ALMS1: variants seen among roughly 807,000 people sequenced by gnomAD.
ALMS1 encodes the protein ALMS1 centrosome and basal body associated protein, also known as centrosome-associated protein ALMS1.
Under a neutral mutation model 352.2 loss-of-function variants are expected in ALMS1, and 271 were observed. The observed-to-expected ratio is 0.77, with a 90% CI of 0.70 to 0.85. ALMS1 has a LOEUF of 0.85. Among genes scored for constraint, ALMS1 ranks in the 40% least tolerant of loss-of-function variants. The probability of loss-of-function intolerance (pLI) is 0.00; values close to 1 mark genes in which losing one functional copy is unlikely to be tolerated. For synonymous variants in ALMS1, 1,865 were observed against 1,761.2 expected (o/e 1.06, Z -1.48); for missense variants, 5,445 against 4,870.7 (o/e 1.12, Z -3.51).
In ALMS1 at chr2:73,452,760, C is replaced by T; in HGVS notation, c.6233C>T (p.Pro2078Leu). ...SKGILKISAVPELTDVNTGKP... is the reference protein window; with the variant it reads ...SKGILKISAVLELTDVNTGKP... ...GGTATTCTAAAGATTTCAGCTGTCC[C>T]TGAACTAACTGATGTGAATACTGGA... Residue 2078 changes from proline (P) to leucine (L), a missense_variant, in exon 8 of 23, where the codon CCT (proline) becomes CTT (leucine). Coordinates refer to ENST00000613296, the MANE Select transcript of ALMS1 (RefSeq NM_001378454.1). 6.2e-7 allele frequency: 1 copy of T among 1,613,438 alleles called. No individual in the cohort carries two copies. Among genetic ancestry groups the T allele is most frequent in the Middle Eastern group, 1.6e-4 (1 of 6,062 alleles).
At chr2:73,563,722 CAA>C (rs1170434973) in intron 15 of ALMS1, among the ~76,000 whole-genome samples, 3 of 52,218 alleles carry the variant, frequency 5.7e-5, no homozygotes, top group Non-Finnish European at 6.3e-5. Flanking sequence ...GACTCCATCT[CAA>C]AAAAAAAAAA....
intron 1 of ALMS1, among the ~76,000 whole-genome samples, chr2:73,407,364 A>G (rs1445792592): frequency 6.6e-6 from 1 of 152,218 alleles, no homozygotes; most frequent in Non-Finnish European, 1.5e-5. Flanking sequence ...ACCTCTCAGT[A>G]CTGCCACATT....
intron 16 of ALMS1, among the ~76,000 whole-genome samples, chr2:73,576,870 CCT>C (rs1558701355): frequency 6.6e-6 from 1 of 152,056 alleles, no homozygotes; most frequent in Non-Finnish European, 1.5e-5. Context: ...GATCCACCCC[CCT>C]CAGTCTCCCC....
intron 8 of ALMS1, among the ~76,000 whole-genome samples, chr2:73,454,607 G>T (rs1199584618): frequency 6.6e-6 from 1 of 151,924 alleles, no homozygotes; most frequent in Non-Finnish European, 1.5e-5. Context: ...TGGGTTAGAG[G>T]TTTAAAAGAG....
chr2:73,587,379 C>A (rs1675334985), intron 16 of ALMS1, among the ~76,000 whole-genome samples: 1 of 152,102 alleles, frequency 6.6e-6, no homozygotes, highest in Non-Finnish European at 1.5e-5. Context: ...ATCCTTTTAA[C>A]CTTTTCCCCA....
At chr2:73,439,150 A>C (rs1204442038) in intron 7 of ALMS1, among the ~76,000 whole-genome samples, 16 of 112,228 alleles carry the variant, frequency 1.4e-4, no homozygotes, top group South Asian at 5.6e-4. Flanking sequence ...ATAAAGTCTC[A>C]CTCTGTTGCC....
chr2:73,412,190 C>T (rs1198211062), intron 2 of ALMS1, among the ~76,000 whole-genome samples: 1 of 152,182 alleles, frequency 6.6e-6, no homozygotes, highest in Admixed American at 6.5e-5. Context: ...TTGAGATAGA[C>T]AGCACTGCCT....
intron 1 of ALMS1, among the ~76,000 whole-genome samples, chr2:73,406,026 A>G (rs1440268439): frequency 6.6e-6 from 1 of 152,124 alleles, no homozygotes; most frequent in Non-Finnish European, 1.5e-5. Context: ...CTGTATATGT[A>G]TGTTAGGTCC....
intron 9 of ALMS1, among the ~76,000 whole-genome samples, chr2:73,464,650 C>G (rs1037187251): frequency 6.6e-6 from 1 of 152,104 alleles, no homozygotes; most frequent in Non-Finnish European, 1.5e-5. Context: ...AAGAGGAACT[C>G]AAATTGTCCC....
chr2:73,497,347 A>G (rs572271194), intron 10 of ALMS1, among the ~76,000 whole-genome samples: 98 of 151,962 alleles, frequency 6.4e-4, no homozygotes, highest in Non-Finnish European at 1.1e-3. Flanking sequence ...TTTTGGTTAC[A>G]TGGATAAGTT....
In ALMS1 at chr2:73,490,211, A is replaced by G. The variant is rs1672948366; in HGVS notation, c.8252A>G (p.Asn2751Ser). The change falls in exon 10 of 23, where the codon AAT (asparagine) becomes AGT (serine). Residue 2751 changes from asparagine (N) to serine (S), a missense_variant. Asn to Ser is a conservative substitution (Grantham distance 46, BLOSUM62 1). Coordinates refer to ENST00000613296, the MANE Select transcript of ALMS1 (RefSeq NM_001378454.1). ...ACTGGAGCATCTGTGGGGGTATTTA[A>G]TTCTCATTTCACTGAAGAACAAAAT... ...QCTGASVGVF[N>S]SHFTEEQNPP... 6.2e-7 allele frequency: 1 copy of G among 1,614,142 alleles called. No homozygotes were observed. The highest frequency in any genetic ancestry group is 1.3e-5 in the African/African-American group (1 of 75,042).
At chr2:73,539,421 G>C (rs569220237) in intron 12 of ALMS1, among the ~76,000 whole-genome samples, 6 of 152,160 alleles carry the variant, frequency 3.9e-5, no homozygotes, top group African/African-American at 1.2e-4. Flanking sequence ...CACAGAGATG[G>C]GGAAAAAACA....
chr2:73,394,723 G>A (rs1054644021), intron 1 of ALMS1, among the ~76,000 whole-genome samples: 1 of 152,052 alleles, frequency 6.6e-6, no homozygotes, highest in Non-Finnish European at 1.5e-5. Context: ...GATACATTCT[G>A]AGAAATGTTT....
rs185818664 is a variant in ALMS1 at position 73,533,069 on chromosome 2, A to G, written c.9782-1755A>G. ...CCTCAGGACTCTGCCTGGCATCTCT[A>G]TCATTCTGTGGCTGAGCTAGTATCC... is the stretch of plus-strand genomic sequence containing the variant. On this transcript the variant is annotated intron_variant, in intron 11 of 22. Transcript: ENST00000613296. Among the ~76,000 whole-genome samples, 405 of 152,324 alleles carry G rather than the reference A, an allele frequency of 2.7e-3. 3 individuals carry two copies. Among genetic ancestry groups the G allele is most frequent in the Admixed American group, 6.7e-3 (102 of 15,308 alleles).
chr2:73,564,277 T>G (rs1357632201), intron 15 of ALMS1, among the ~76,000 whole-genome samples: 1 of 151,600 alleles, frequency 6.6e-6, no homozygotes, highest in African/African-American at 2.4e-5. Flanking sequence ...ACCAGCATGG[T>G]CAACATGGCG....
intron 1 of ALMS1, among the ~76,000 whole-genome samples, chr2:73,394,775 C>T (rs946117970): frequency 2.6e-5 from 4 of 152,078 alleles, no homozygotes; most frequent in Admixed American, 1.3e-4. Context: ...ATATAGTGTA[C>T]GTACACAAAC....
chr2:73,491,067 T>G lies in ALMS1; in HGVS notation c.9108T>G (p.Thr3036=). Residue 3036 remains threonine (T), a synonymous_variant, in exon 10 of 23, where the codon ACT becomes ACG. Coordinates refer to ENST00000613296, the MANE Select transcript of ALMS1 (RefSeq NM_001378454.1). ...GTACATTAGCAGCATCTGCATCTAC[T>G]CCTCCTTCAAATAGAAAAGCACTTT... The part of the protein sequence containing the change: ...NHCTLAASAS[T]PPSNRKALSC... 2 of 1,614,048 alleles carry G rather than the reference T, an allele frequency of 1.2e-6. No homozygotes were observed. The highest frequency in any genetic ancestry group is 1.7e-6 in the Non-Finnish European group (2 of 1,179,886).
At chr2:73,443,235 C>T (rs1671750885) in intron 7 of ALMS1, among the ~76,000 whole-genome samples, 1 of 152,166 alleles carries the variant, frequency 6.6e-6, no homozygotes, top group Non-Finnish European at 1.5e-5. Context: ...CTCCTTAGTA[C>T]ATAGTAGAAG....
At position 73,559,044 on chromosome 2, in the gene ALMS1, C is replaced by T; in HGVS notation, c.10286C>T (p.Thr3429Ile). ...CCAGAAATGAAGAACTTGCCAGACA[C>T]TAAAGCCATTACACAGAAAGAGGAG... ...GDPEMKNLPD[T>I]KAITQKEEIH... The change falls in exon 15 of 23, where the codon ACT becomes ATT. Residue 3429 changes from threonine to isoleucine, a missense_variant. Thr to Ile is a moderately conservative substitution (Grantham distance 89, BLOSUM62 -1). Transcript: ENST00000613296. The T allele has an allele frequency of 1.2e-6, 2 of 1,614,064 alleles. 1 individual carries two copies. The highest frequency in any genetic ancestry group is 2.2e-5 in the South Asian group (2 of 91,070).
Sources: gnomAD v4.1 joint callset for allele counts (sites outside exome capture counted in the v4.1 genomes callset) on GRCh38, gnomAD v4.1.1 for gene constraint, MANE v1.5 for transcripts, NCBI Gene and HGNC (gene_info 2026-07-23, HGNC 2026-07-21) for gene names.